WDR62: variants seen among roughly 807,000 people sequenced by gnomAD.
The protein encoded by WDR62 is WD repeat domain 62, also known as WD repeat-containing protein 62.
Under a neutral mutation model 160.6 loss-of-function variants are expected in WDR62, and 112 were observed. The observed-to-expected ratio is 0.70, with a 90% CI of 0.60 to 0.82. The LOEUF is 0.82. Among genes scored for constraint, WDR62 ranks in the 40% least tolerant of loss-of-function variants. WDR62 has a pLI of 0.00. For missense variants in WDR62, 1,819 were observed against 1,983.8 expected (o/e 0.92, Z 1.58); for synonymous variants, 792 against 815.1 (o/e 0.97, Z 0.48).
chr19:36,105,218 T>TG (rs1973681701), downstream of WDR62: 1 of 716,404 alleles, frequency 1.4e-6, no homozygotes, highest in Non-Finnish European at 2.3e-6. Flanking sequence ...GTGGAGAGCA[T>TG]GGGACCAGCG....
At chr19:36,067,757 T>C in intron 6 of WDR62, 71 bp from the exon 7 acceptor site, 1 of 1,539,442 alleles carries the variant, frequency 6.5e-7, no homozygotes, top group Non-Finnish European at 8.9e-7. Flanking sequence ...TGTTTTGTTG[T>C]GTCCTATCAT....
chr19:36,088,287 C>T (rs1007623739), intron 13 of WDR62, among the ~76,000 whole-genome samples: 14 of 152,118 alleles, frequency 9.2e-5, no homozygotes, highest in African/African-American at 3.1e-4. Flanking sequence ...GCCTGGGCAA[C>T]AAGAGCGAAA....
chr19:36,085,469 G>A (rs189303958), intron 12 of WDR62, among the ~76,000 whole-genome samples: 5 of 135,696 alleles, frequency 3.7e-5, no homozygotes, highest in East Asian at 4.8e-4. Flanking sequence ...CGCCCTGGCC[G>A]GAGGGCAATG....
intron 7 of WDR62, among the ~76,000 whole-genome samples, chr19:36,069,844 G>A (rs1235450534): frequency 6.6e-6 from 1 of 152,162 alleles, no homozygotes; most frequent in East Asian, 1.9e-4. Flanking sequence ...AAAAAAATAC[G>A]AAAACCAGTC....
chr19:36,097,114 G>T lies in WDR62; in HGVS notation c.2520+35G>T, dbSNP rs777704591. 3 of 1,610,350 alleles carry T rather than the reference G, an allele frequency of 1.9e-6. No individual in the cohort carries two copies. The South Asian group carries it at 3.3e-5, about 18-fold the overall frequency. On this transcript the variant is annotated intron_variant, in intron 21 of 31. Transcript: ENST00000401500. ...CAGGGAGAGGGTTGCTCAGGGGCTG[G>T]CAGAGGAAACGCCTCCCCAGCTCTG...
At chr19:36,069,948 G>A (rs548574928) in intron 7 of WDR62, among the ~76,000 whole-genome samples, 11 of 150,776 alleles carry the variant, frequency 7.3e-5, no homozygotes, top group South Asian at 2.1e-4. Context: ...GAGGGCAGCA[G>A]TACAGTCCAG....
Position 36,105,068 on chromosome 19 carries a change from A to G in WDR62, c.*40A>G. The G allele has an allele frequency of 6.3e-7, 1 of 1,579,040 alleles. No homozygotes were observed. Among genetic ancestry groups the G allele is most frequent in the Non-Finnish European group, 8.5e-7 (1 of 1,169,996 alleles). ...CACCGCAGCCCTGCTGCTTCTGAGG[A>G]CTTAGGTATTTTAAGCGAATAAACT... is the stretch of plus-strand genomic sequence containing the variant. On this transcript the variant is annotated 3_prime_UTR_variant, in exon 32 of 32. Coordinates refer to ENST00000401500, the MANE Select transcript of WDR62 (RefSeq NM_001083961.2).
At chr19:36,102,245 G>A (rs546621010) in intron 26 of WDR62, 94 bp downstream of exon 26, 268 of 1,572,712 alleles carry the variant, frequency 1.7e-4, no homozygotes, top group Middle Eastern at 5.0e-4. Context: ...GCAGGGCCAG[G>A]AGGGTGAGTG....
At position 36,089,485 on chromosome 19, in the gene WDR62, A is replaced by G. The variant is rs537161128; in HGVS notation, c.1958+179A>G. 2.6e-5 allele frequency among the ~76,000 whole-genome samples: 4 copies of G among 152,220 alleles called. No individual in the cohort carries two copies. The East Asian group carries it at 5.8e-4, about 22-fold the overall frequency. ...GAGGCAGAGTCTTGCTCTGTTGCCC[A>G]TGCTAGAGTGCAGTGGCACCATTTT... On this transcript the variant is annotated intron_variant, in intron 15 of 31. Coordinates refer to ENST00000401500, the MANE Select transcript of WDR62 (RefSeq NM_001083961.2).
rs947400593 is a variant in WDR62, at chr19:36,086,545, C to T, written c.1643-142C>T. The T allele has an allele frequency of 2.8e-6, 3 of 1,090,758 alleles. No homozygotes were observed. In the African/African-American group the frequency reaches 4.7e-5, roughly 17 times the overall value. The allele number at this position is 1,090,758 out of a possible 1,614,324, so 67.6% of individuals were successfully genotyped here. A position where few individuals can be genotyped will look rare whatever the true frequency, so the allele number is the denominator to read the frequency against. Reference sequence around the variant, plus strand: ...CACAGAGCTAAGGGAGTGGCCCTTGCCAGGCTTGGGCCAAGTTGGCTACAG... The same window carrying T: ...CACAGAGCTAAGGGAGTGGCCCTTGTCAGGCTTGGGCCAAGTTGGCTACAG... On this transcript the variant is annotated intron_variant, in intron 12 of 31. Transcript: ENST00000401500.
At chr19:36,063,722 G>T (rs1411956053) in intron 3 of WDR62, among the ~76,000 whole-genome samples, 2 of 152,206 alleles carry the variant, frequency 1.3e-5, no homozygotes, top group African/African-American at 2.4e-5. Flanking sequence ...CCTATGACTG[G>T]TGGTGTTCAC....
At chr19:36,067,464 C>CT (rs772519392) in intron 6 of WDR62, 21 bp downstream of exon 6, 1 of 1,614,010 alleles carries the variant, frequency 6.2e-7, no homozygotes, top group South Asian at 1.1e-5. Context: ...GTCCCTGCCC[C>CT]TTTAGCCAGG....
chr19:36,079,579 C>T (rs1358552079), intron 9 of WDR62, among the ~76,000 whole-genome samples: 1 of 152,202 alleles, frequency 6.6e-6, no homozygotes, highest in Admixed American at 6.5e-5. Flanking sequence ...GGATCTTCTC[C>T]AGTCCCTTTA....
chr19:36,059,634 T>C (rs940145357), intron 2 of WDR62, among the ~76,000 whole-genome samples: 18 of 152,082 alleles, frequency 1.2e-4, no homozygotes, highest in African/African-American at 3.9e-4. Flanking sequence ...GAGATCTCAC[T>C]CTGTCGCCCA....
intron 7 of WDR62, among the ~76,000 whole-genome samples, chr19:36,069,774 C>T (rs1194925782): frequency 1.3e-5 from 2 of 152,238 alleles, no homozygotes; most frequent in African/African-American, 4.8e-5. Flanking sequence ...GGACCACTCG[C>T]GGTTAGGAGC....
chr19:36,094,126 A>G lies in WDR62; in HGVS notation c.2429A>G (p.Glu810Gly), dbSNP rs995084491. 4 of 1,614,150 alleles carry G rather than the reference A, an allele frequency of 2.5e-6. No individual in the cohort carries two copies. Among genetic ancestry groups the G allele is most frequent in the Non-Finnish European group, 3.4e-6 (4 of 1,180,028 alleles). Residue 810 changes from glutamate (E) to glycine (G), a missense_variant, in exon 20 of 32, where the codon GAG becomes GGG. By Grantham distance (98) the Glu-to-Gly change is moderately conservative. This residue lies in a region of WDR62 where 934 missense variants were observed against 1,157.2 expected (regional missense o/e 0.81). Transcript: ENST00000401500. ...CTGGAGGAAGAGTGTGAGCCAGAAG[A>G]GATGCTGAAGACACCATCCAAAGAT... ...DDLEEECEPE[E>G]MLKTPSKDSL... is the part of the protein sequence containing the mutation.
In WDR62 at chr19:36,081,852, G is replaced by T. The variant is rs904906356; in HGVS notation, c.1371+282G>T. The T allele has an allele frequency of 7.7e-5, 44 of 572,614 alleles. No homozygotes were observed. The Middle Eastern group carries it at 8.0e-4, about 10-fold the overall frequency. The allele number at this position is 572,614 out of a possible 1,614,324, so 35.5% of individuals were successfully genotyped here. ...CACTCCCGGCAGCCCAACACACCCAGCCCAGGTGAAATTGCTTCCTAAGTC... is the reference window on the plus strand; with the variant it reads ...CACTCCCGGCAGCCCAACACACCCATCCCAGGTGAAATTGCTTCCTAAGTC... On this transcript the variant is annotated intron_variant, in intron 10 of 31. Transcript: ENST00000401500.
intron 16 of WDR62, 117 bp from the exon 17 acceptor site, chr19:36,091,083 C>T (rs1309030272): frequency 1.2e-6 from 1 of 845,584 alleles, no homozygotes; most frequent in Non-Finnish European, 2.0e-6. Flanking sequence ...AGCGGGAGCT[C>T]CTGCCCTGCC....
At chr19:36,060,193 G>T (rs140726762) in intron 3 of WDR62, 163 bp downstream of exon 3, 48 of 731,808 alleles carry the variant, frequency 6.6e-5, no homozygotes, top group African/African-American at 5.8e-4. Context: ...GTGTGCTGGG[G>T]ACACAGCAGT....
Sources: gnomAD v4.1 joint callset for allele counts (sites outside exome capture counted in the v4.1 genomes callset) on GRCh38, gnomAD v4.1.1 for gene constraint, gnomAD v4.1.1 regional missense constraint, MANE v1.5 for transcripts, NCBI Gene and HGNC (gene_info 2026-07-23, HGNC 2026-07-21) for gene names.